The following IL1RAPL2 variants were observed in gnomAD, a reference collection of about 807,000 sequenced individuals.
IL1RAPL2 encodes the protein X-linked interleukin-1 receptor accessory protein-like 2.
Under a neutral mutation model 44.1 loss-of-function variants are expected in IL1RAPL2, and 3 were observed. The ratio of observed to expected loss-of-function variants is 0.07; its 90% CI spans 0.03 to 0.18. The LOEUF is 0.18. IL1RAPL2 is among the 10% of genes least tolerant of loss of function. The pLI is 1.00. For synonymous variants in IL1RAPL2, 181 were observed against 178.8 expected, an observed-to-expected ratio of 1.01 and a Z score of -0.10; for missense variants, 391 against 496.4, an observed-to-expected ratio of 0.79 and a Z score of 2.02.
chrX:105,671,136 G>A (rs2037821615), intron 6 of IL1RAPL2, among the ~76,000 whole-genome samples: 1 of 110,125 alleles, frequency 9.1e-6, no homozygotes, highest in African/African-American at 3.3e-5. Flanking sequence ...TAGTAGAGAT[G>A]GTGTTTCGCC....
intron 2 of IL1RAPL2, among the ~76,000 whole-genome samples, chrX:104,864,568 T>C (rs1344429830): frequency 9.0e-6 from 1 of 111,684 alleles, no homozygotes; most frequent in Non-Finnish European, 1.9e-5. Context: ...AACTGCAAAG[T>C]ATTGTTCCTG....
intron 5 of IL1RAPL2, among the ~76,000 whole-genome samples, chrX:105,383,733 A>G (rs1274097078): frequency 1.8e-5 from 2 of 112,309 alleles, no homozygotes; most frequent in Admixed American, 9.5e-5. Context: ...TACCAACAGT[A>G]TAGAAGCGTT....
At chrX:105,263,430 G>A (rs1355118004) in intron 4 of IL1RAPL2, among the ~76,000 whole-genome samples, 1 of 111,646 alleles carries the variant, frequency 9.0e-6, no homozygotes, top group Non-Finnish European at 1.9e-5. Context: ...GCTCTGAATG[G>A]CACTAAAGTA....
intron 6 of IL1RAPL2, among the ~76,000 whole-genome samples, chrX:105,559,428 T>C (rs1166970974): frequency 8.9e-6 from 1 of 112,334 alleles, no homozygotes; most frequent in East Asian, 2.8e-4. Flanking sequence ...CAGGCTGTGG[T>C]TACAAATAAG....
intron 5 of IL1RAPL2, among the ~76,000 whole-genome samples, chrX:105,426,213 C>A (rs1228602531): frequency 1.8e-5 from 2 of 110,241 alleles, no homozygotes; most frequent in African/African-American, 3.3e-5. Flanking sequence ...GCTCACTGAA[C>A]AGACAGAACA....
chrX:105,641,983 C>T (rs1275329586), intron 6 of IL1RAPL2, among the ~76,000 whole-genome samples: 1 of 111,272 alleles, frequency 9.0e-6, no homozygotes, highest in Non-Finnish European at 1.9e-5. Flanking sequence ...AGTATTGTCC[C>T]TTTTTAACCT....
chrX:104,923,868 TTA>T (rs1491266028), intron 2 of IL1RAPL2, among the ~76,000 whole-genome samples: 3 of 64,471 alleles, frequency 4.7e-5, no homozygotes, highest in Non-Finnish European at 9.0e-5. Flanking sequence ...CAAGTTGGAT[TTA>T]AAAAAAAAAA....
chrX:104,878,156 C>T (rs778381667), intron 2 of IL1RAPL2, among the ~76,000 whole-genome samples: 100 of 111,588 alleles, frequency 9.0e-4, no homozygotes, highest in Non-Finnish European at 1.2e-3. Context: ...GCATGGACCC[C>T]GGCACATTGG....
At chrX:105,498,347 A>G (rs981007940) in intron 6 of IL1RAPL2, among the ~76,000 whole-genome samples, 2 of 111,828 alleles carry the variant, frequency 1.8e-5, no homozygotes. Context: ...AAGGAGGTGA[A>G]CGATCTGTAT....
At chrX:104,746,628 T>A (rs757207083) in intron 2 of IL1RAPL2, among the ~76,000 whole-genome samples, 56 of 111,902 alleles carry the variant, frequency 5.0e-4, no homozygotes, top group South Asian at 2.2e-3. Context: ...CAGAACTTTT[T>A]TTCTGAATAT....
chrX:104,997,049 A>G (rs2030761527), intron 2 of IL1RAPL2, among the ~76,000 whole-genome samples: 1 of 111,288 alleles, frequency 9.0e-6, no homozygotes, highest in Non-Finnish European at 1.9e-5. Flanking sequence ...TGAGGTAGAC[A>G]GGAGTCAGTT....
intron 6 of IL1RAPL2, among the ~76,000 whole-genome samples, chrX:105,569,874 G>A (rs2037002106): frequency 9.0e-6 from 1 of 111,370 alleles, no homozygotes; most frequent in South Asian, 3.7e-4. Context: ...TTTTTGCACA[G>A]CCACATTAGT....
chrX:104,773,358 A>T (rs1053199667), intron 2 of IL1RAPL2, among the ~76,000 whole-genome samples: 1 of 112,106 alleles, frequency 8.9e-6, no homozygotes, highest in African/African-American at 3.2e-5. Context: ...GTTTGGAATC[A>T]TGCTTTTTAT....
intron 5 of IL1RAPL2, among the ~76,000 whole-genome samples, chrX:105,329,644 A>G (rs1208789595): frequency 9.0e-6 from 1 of 111,611 alleles, no homozygotes; most frequent in Non-Finnish European, 1.9e-5. Flanking sequence ...GATGACAGTG[A>G]TCATTGATTC....
At chrX:104,641,452 G>A (rs1388362484) in intron 1 of IL1RAPL2, among the ~76,000 whole-genome samples, 1 of 112,054 alleles carries the variant, frequency 8.9e-6, no homozygotes, top group South Asian at 3.7e-4. Context: ...GGATGATAGC[G>A]GCTGTGCCGA....
chrX:105,524,858 T>C lies in IL1RAPL2; in HGVS notation c.772+40471T>C, dbSNP rs750760990. On this transcript the variant is annotated intron_variant, in intron 6 of 10. Transcript: ENST00000372582. ...TTCTATGAATGTCAGTTTTTTCACC[T>C]GTAAATTGAGGGTAAAGTAGTCCCT... Among the ~76,000 whole-genome samples, 5 of 111,262 alleles carry C rather than the reference T, an allele frequency of 4.5e-5. No individual in the cohort carries two copies. In the South Asian group the frequency reaches 1.9e-3, roughly 42 times the overall value.
intron 2 of IL1RAPL2, among the ~76,000 whole-genome samples, chrX:105,134,904 T>C (rs1465881997): frequency 1.0e-4 from 11 of 110,092 alleles, no homozygotes; most frequent in Non-Finnish European, 2.1e-4. Flanking sequence ...TACTGTGAAA[T>C]TGCTGTATTC....
intron 4 of IL1RAPL2, among the ~76,000 whole-genome samples, chrX:105,242,232 G>C (rs1044708957): frequency 5.4e-5 from 6 of 111,836 alleles, no homozygotes; most frequent in African/African-American, 1.6e-4. Flanking sequence ...CCTAATATCC[G>C]ACCTGCCTAA....
intron 2 of IL1RAPL2, among the ~76,000 whole-genome samples, chrX:104,858,714 C>T (rs751528138): frequency 1.1e-4 from 12 of 111,552 alleles, no homozygotes; most frequent in African/African-American, 2.6e-4. Flanking sequence ...AAATAAAAGA[C>T]GATTGCATTT....
Sources: allele counts gnomAD v4.1 joint callset (sites outside exome capture counted in the v4.1 genomes callset), GRCh38; gene constraint gnomAD v4.1.1; transcripts MANE v1.5; gene names NCBI Gene and HGNC (gene_info 2026-07-23, HGNC 2026-07-21).